GABRA4: variants seen among roughly 807,000 people sequenced by gnomAD.
The protein encoded by GABRA4 is gamma-aminobutyric acid type A receptor subunit alpha4.
Under a neutral mutation model 49.7 loss-of-function variants are expected in GABRA4, and 12 were observed. The observed-to-expected ratio is 0.24, with a 90% confidence interval of 0.15 to 0.39. GABRA4 has a LOEUF of 0.39. Among genes scored for constraint, GABRA4 ranks in the 10% least tolerant of loss-of-function variants. GABRA4 has a pLI of 1.00. For synonymous variants in GABRA4, 288 were observed against 240.2 expected (o/e 1.20, Z -1.84); for missense variants, 506 against 686.0 (o/e 0.74, Z 2.93).
chr4:46,945,309 G>A (rs1423324459), intron 8 of GABRA4, among the ~76,000 whole-genome samples: 1 of 152,050 alleles, frequency 6.6e-6, no homozygotes, highest in Admixed American at 6.6e-5. Flanking sequence ...AGTTGGAAAG[G>A]GTCAACTCCT....
intron 5 of GABRA4, among the ~76,000 whole-genome samples, chr4:46,975,123 C>T (rs961177059): frequency 6.6e-6 from 1 of 151,922 alleles, no homozygotes; most frequent in African/African-American, 2.4e-5. Flanking sequence ...ACCAGTCTAC[C>T]CATAACAGAC....
At chr4:46,937,679 C>T (rs1721648144) in intron 8 of GABRA4, among the ~76,000 whole-genome samples, 2 of 152,136 alleles carry the variant, frequency 1.3e-5, no homozygotes, top group Admixed American at 6.6e-5. Context: ...AATACTTTCA[C>T]ACCCACTAGG....
rs933551051 is a variant in GABRA4, at chr4:46,951,339, T to A, written c.1134+13631A>T. 3.3e-5 allele frequency among the ~76,000 whole-genome samples: 5 copies of A among 151,250 alleles called. 1 individual carries two copies. Among genetic ancestry groups the A allele is most frequent in the Admixed American group, 1.3e-4 (2 of 15,110 alleles). On this transcript the variant is annotated intron_variant, in intron 8 of 8. Coordinates refer to ENST00000264318, the MANE Select transcript of GABRA4 (RefSeq NM_000809.4). Reference sequence around the variant, plus strand: ...TAATTAATATTTTACAAAGACTACATTGTATTCATACAGTCTTTCATTCAT... The same window carrying A: ...TAATTAATATTTTACAAAGACTACAATGTATTCATACAGTCTTTCATTCAT...
intron 5 of GABRA4, 109 bp from the exon 6 acceptor site, chr4:46,974,484 C>G (rs570263037): frequency 9.6e-6 from 10 of 1,042,814 alleles, no homozygotes; most frequent in Non-Finnish European, 1.3e-5. Flanking sequence ...TAAATGAAAA[C>G]AATGTTCACT....
chr4:46,950,289 C>T (rs1722125461), intron 8 of GABRA4, among the ~76,000 whole-genome samples: 1 of 151,988 alleles, frequency 6.6e-6, no homozygotes, highest in Non-Finnish European at 1.5e-5. Context: ...AGGATGTGCC[C>T]CCATTAGGCC....
chr4:46,932,432 A>G (rs1487579286), intron 8 of GABRA4, among the ~76,000 whole-genome samples: 2 of 152,128 alleles, frequency 1.3e-5, no homozygotes, highest in Non-Finnish European at 2.9e-5. Context: ...AGAACTTAAC[A>G]AGCTGCACAT....
intron 8 of GABRA4, among the ~76,000 whole-genome samples, chr4:46,946,828 A>G (rs1165165793): frequency 6.6e-6 from 1 of 152,126 alleles, no homozygotes; most frequent in Non-Finnish European, 1.5e-5. Context: ...TCATCTTTTG[A>G]ACACAAAGCA....
At chr4:46,952,413 C>T (rs1284088142) in intron 8 of GABRA4, among the ~76,000 whole-genome samples, 2 of 152,016 alleles carry the variant, frequency 1.3e-5, no homozygotes, top group East Asian at 1.9e-4. Context: ...GAAAAGTGTC[C>T]TCTTTCTAAA....
At chr4:46,951,614 A>G (rs1450573500) in intron 8 of GABRA4, among the ~76,000 whole-genome samples, 1 of 151,964 alleles carries the variant, frequency 6.6e-6, no homozygotes, top group Non-Finnish European at 1.5e-5. Context: ...TCCAAGTGCC[A>G]GGGACCTAGA....
At chr4:46,947,994 TCAGC>T (rs1191498502) in intron 8 of GABRA4, among the ~76,000 whole-genome samples, 3 of 152,254 alleles carry the variant, frequency 2.0e-5, no homozygotes, top group African/African-American at 7.2e-5. Context: ...GCTGGGGCTG[TCAGC>T]CAGAATGCCT....
At chr4:46,982,364 T>C (rs1215264113) in intron 2 of GABRA4, among the ~76,000 whole-genome samples, 1 of 151,790 alleles carries the variant, frequency 6.6e-6, no homozygotes, top group Non-Finnish European at 1.5e-5. Flanking sequence ...ATATCAGAAG[T>C]GTAGATTAGG....
chr4:46,925,850 T>C lies in GABRA4; in HGVS notation c.*2375A>G, dbSNP rs549999235. On this transcript the variant is annotated 3_prime_UTR_variant, in exon 9 of 9. Transcript: ENST00000264318. ...TTAATGTGTTCTTCAAATTAACAAT[T>C]AAGAATCCTTGGTTAATTCTGTCCT... 1 of 150,798 alleles carries C rather than the reference T, an allele frequency of 6.6e-6. No homozygotes were observed. The highest frequency in any genetic ancestry group is 1.9e-4 in the East Asian group (1 of 5,150). 9.3% of individuals were successfully genotyped at this position (150,798 alleles called of 1,614,324 possible). A position where few individuals can be genotyped will look rare whatever the true frequency, so the allele number is the denominator to read the frequency against.
At chr4:46,933,707 C>T (rs528723076) in intron 8 of GABRA4, among the ~76,000 whole-genome samples, 73 of 152,218 alleles carry the variant, frequency 4.8e-4, no homozygotes, top group African/African-American at 1.7e-3. Context: ...ACTAATGTGT[C>T]AGAGTGATGT....
At chr4:46,959,061 T>G (rs1722468849) in intron 8 of GABRA4, among the ~76,000 whole-genome samples, 1 of 151,056 alleles carries the variant, frequency 6.6e-6, no homozygotes, top group South Asian at 2.1e-4. Flanking sequence ...TTAGAATAAA[T>G]ATTTCTTTCT....
chr4:46,990,136 A>G, intron 2 of GABRA4, among the ~76,000 whole-genome samples: 1 of 149,832 alleles, frequency 6.7e-6, no homozygotes, highest in East Asian at 2.0e-4. Flanking sequence ...AAACAAACAA[A>G]CAAAACCCAT....
rs1227825805 is a variant in GABRA4 at position 46,921,004 on chromosome 4, A to T, written c.*7221T>A. 3 of 151,698 alleles carry T rather than the reference A, an allele frequency of 2.0e-5. No homozygotes were observed. Among genetic ancestry groups the T allele is most frequent in the Non-Finnish European group, 4.4e-5 (3 of 67,758 alleles). The allele number at this position is 151,698 out of a possible 1,614,324, so 9.4% of individuals were successfully genotyped here. A position where few individuals can be genotyped will look rare whatever the true frequency, so the allele number is the denominator to read the frequency against. On this transcript the variant is annotated 3_prime_UTR_variant, in exon 9 of 9. Coordinates refer to ENST00000264318, the MANE Select transcript of GABRA4 (RefSeq NM_000809.4). The stretch of plus-strand genomic sequence containing the variant: ...TTAATCGGTTCAGTGATAATATCAT[A>T]CTCTTGAATATCGTAAATTTCCTTT...
In GABRA4 at chr4:46,977,101, A is replaced by T; in HGVS notation, c.537T>A (p.Phe179Leu). 1 of 1,610,592 alleles carries T rather than the reference A, an allele frequency of 6.2e-7. No homozygotes were observed. Among genetic ancestry groups the T allele is most frequent in the Non-Finnish European group, 8.5e-7 (1 of 1,178,004 alleles). The change falls in exon 5 of 9, where the codon TTT becomes TTA. Residue 179 changes from phenylalanine (F) to leucine (L), a missense_variant. By Grantham distance (22) the Phe-to-Leu change is conservative. This residue lies in a region of GABRA4 where 195 missense variants were observed against 326.0 expected (regional missense o/e 0.60). Coordinates refer to ENST00000264318, the MANE Select transcript of GABRA4 (RefSeq NM_000809.4). Reference sequence around the variant, plus strand: ...AAGGGCATGCATGACCATCCATGGGAAAATCCACCAATCTCATGGGACACT... The same window carrying T: ...AAGGGCATGCATGACCATCCATGGGTAAATCCACCAATCTCATGGGACACT... ...SAECPMRLVD[F>L]PMDGHACPLK...
At chr4:46,951,385 G>A (rs1722168277) in intron 8 of GABRA4, among the ~76,000 whole-genome samples, 1 of 151,234 alleles carries the variant, frequency 6.6e-6, no homozygotes, top group Admixed American at 6.6e-5. Context: ...AACAAATATT[G>A]GGTGCCAGGC....
At chr4:46,958,846 C>T (rs1206710879) in intron 8 of GABRA4, among the ~76,000 whole-genome samples, 1 of 151,896 alleles carries the variant, frequency 6.6e-6, no homozygotes, top group Non-Finnish European at 1.5e-5. Flanking sequence ...AATCAAACTA[C>T]CAGTGAGTTA....
Sources: gnomAD v4.1 joint callset for allele counts (sites outside exome capture counted in the v4.1 genomes callset) on GRCh38, gnomAD v4.1.1 for gene constraint, gnomAD v4.1.1 regional missense constraint, MANE v1.5 for transcripts, NCBI Gene and HGNC (gene_info 2026-07-23, HGNC 2026-07-21) for gene names.